Variants in ELAVL2 observed in about 807,000 individuals in gnomAD.
ELAVL2 encodes ELAV-like protein 2.
ELAVL2 carries 4 observed loss-of-function variants against 34.6 expected under a neutral mutation model. The ratio of observed to expected loss-of-function variants is 0.12; its 90% CI spans 0.06 to 0.26. The LOEUF is 0.26. Among genes scored for constraint, ELAVL2 ranks in the 10% least tolerant of loss-of-function variants. ELAVL2 has a pLI of 1.00. For missense variants in ELAVL2, 432 were observed against 442.8 expected (o/e 0.98, Z 0.22); for synonymous variants, 193 against 154.8 (o/e 1.25, Z -1.83).
chr9:23,708,016 C>T (rs1348804198), intron 3 of ELAVL2, among the ~76,000 whole-genome samples: 2 of 151,616 alleles, frequency 1.3e-5, no homozygotes, highest in South Asian at 2.1e-4. Flanking sequence ...TATATAAAGG[C>T]TTTGAAAACA....
chr9:23,820,457 G>C (rs2064411349), intron 1 of ELAVL2, among the ~76,000 whole-genome samples: 1 of 152,174 alleles, frequency 6.6e-6, no homozygotes, highest in Non-Finnish European at 1.5e-5. Flanking sequence ...CATGTTTTCA[G>C]AAAATGTAGA....
At chr9:23,805,892 CA>C (rs2062156083) in intron 1 of ELAVL2, among the ~76,000 whole-genome samples, 2 of 152,072 alleles carry the variant, frequency 1.3e-5, no homozygotes, top group African/African-American at 4.8e-5. Flanking sequence ...GCGGTATTAA[CA>C]GGTCATAAAT....
chr9:23,701,235 CA>C, intron 5 of ELAVL2, 143 bp downstream of exon 5: 1 of 845,806 alleles, frequency 1.2e-6, no homozygotes, highest in East Asian at 2.5e-5. Context: ...TCTCTGTGCC[CA>C]TGGAGATGAA....
intron 5 of ELAVL2, among the ~76,000 whole-genome samples, chr9:23,696,760 A>G (rs1372003325): frequency 6.6e-6 from 1 of 152,054 alleles, no homozygotes; most frequent in East Asian, 1.9e-4. Flanking sequence ...GTGAGCCACC[A>G]CGCCCAGCCA....
chr9:23,793,794 C>T (rs1041261195), intron 1 of ELAVL2, among the ~76,000 whole-genome samples: 1 of 152,078 alleles, frequency 6.6e-6, no homozygotes, highest in South Asian at 2.1e-4. Context: ...CTTTCCACCT[C>T]CAAACTTTTA....
chr9:23,740,162 G>A (rs2048828830), intron 2 of ELAVL2, among the ~76,000 whole-genome samples: 1 of 152,104 alleles, frequency 6.6e-6, no homozygotes, highest in East Asian at 1.9e-4. Flanking sequence ...GTTTGTCGGG[G>A]AAAAATGCCC....
At chr9:23,828,273 T>C (rs2065391142), upstream of ELAVL2, among the ~76,000 whole-genome samples, 2 of 152,332 alleles carry the variant, frequency 1.3e-5, no homozygotes, top group South Asian at 4.1e-4. Flanking sequence ...CAGTGAATTG[T>C]CTTTCCTCCT....
intron 1 of ELAVL2, among the ~76,000 whole-genome samples, chr9:23,787,476 A>C (rs561177586): frequency 6.6e-6 from 1 of 151,526 alleles, no homozygotes; most frequent in South Asian, 2.1e-4. Context: ...AGGTGATCCA[A>C]CCGCCTCAGC....
chr9:23,735,713 C>T lies in ELAVL2; in HGVS notation c.230-4588G>A, dbSNP rs192085640. On this transcript the variant is annotated intron_variant, in intron 2 of 6. Transcript: ENST00000397312. The stretch of plus-strand genomic sequence containing the variant: ...AACATACATGCCACAGAAAAGAAAC[C>T]CTTCTTCACAAGAGATAGAAAAATA... The T allele has an allele frequency of 1.1e-4, 16 of 152,288 alleles. No individual in the cohort carries two copies. The East Asian group carries it at 2.7e-3, about 26-fold the overall frequency. The allele number at this position is 152,288 out of a possible 1,614,324, so 9.4% of individuals were successfully genotyped here. A position where few individuals can be genotyped will look rare whatever the true frequency, so the allele number is the denominator to read the frequency against.
intron 5 of ELAVL2, among the ~76,000 whole-genome samples, chr9:23,698,475 T>C (rs980135671): frequency 6.6e-6 from 1 of 152,224 alleles, no homozygotes; most frequent in African/African-American, 2.4e-5. Flanking sequence ...TCATACTTTA[T>C]GATTATTAAA....
chr9:23,728,453 T>C (rs1194946724), intron 3 of ELAVL2, among the ~76,000 whole-genome samples: 1 of 152,038 alleles, frequency 6.6e-6, no homozygotes, highest in Non-Finnish European at 1.5e-5. Flanking sequence ...CTGAGAACAG[T>C]GGAGAACGGC....
intron 1 of ELAVL2, among the ~76,000 whole-genome samples, chr9:23,789,325 C>T (rs1034297296): frequency 6.6e-6 from 1 of 152,136 alleles, no homozygotes; most frequent in African/African-American, 2.4e-5. Context: ...TGTCCCCTAA[C>T]CCTACTGAAG....
intron 3 of ELAVL2, among the ~76,000 whole-genome samples, chr9:23,720,999 G>A (rs971928679): frequency 1.2e-4 from 18 of 152,062 alleles, no homozygotes; most frequent in African/African-American, 4.3e-4. Context: ...TTGTGTAAAG[G>A]CATTTGAAAT....
At chr9:23,724,888 T>G (rs1393970593) in intron 3 of ELAVL2, among the ~76,000 whole-genome samples, 1 of 152,134 alleles carries the variant, frequency 6.6e-6, no homozygotes. Flanking sequence ...TTTTTTTGTC[T>G]GGATAAATAA....
chr9:23,816,488 G>GA (rs1393676225), intron 1 of ELAVL2, among the ~76,000 whole-genome samples: 1 of 152,004 alleles, frequency 6.6e-6, no homozygotes, highest in African/African-American at 2.4e-5. Flanking sequence ...AATGCTGGAA[G>GA]AAAAGAACAT....
At chr9:23,766,622 G>A (rs1044767974) in intron 1 of ELAVL2, among the ~76,000 whole-genome samples, 2 of 152,040 alleles carry the variant, frequency 1.3e-5, no homozygotes, top group Admixed American at 6.6e-5. Context: ...AACTAGATAG[G>A]AAGGCTGTGT....
chr9:23,737,078 C>T (rs76600624), intron 2 of ELAVL2, among the ~76,000 whole-genome samples: 1,988 of 152,236 alleles, frequency 0.013, 43 homozygotes, highest in African/African-American at 0.041. Context: ...TATATTATTC[C>T]GTTATCTTTG....
the ELAVL2 span, among the ~76,000 whole-genome samples, chr9:23,841,391 A>G: frequency 6.6e-6 from 1 of 152,090 alleles, no homozygotes; most frequent in Non-Finnish European, 1.5e-5. Flanking sequence ...GAATTCAGAG[A>G]AATTCCAATG....
In ELAVL2 at chr9:23,815,813, C is replaced by T. The variant is rs369844723; in HGVS notation, c.-16+9993G>A. On this transcript the variant is annotated intron_variant, in intron 1 of 6. Coordinates refer to ENST00000397312, the MANE Select transcript of ELAVL2 (RefSeq NM_004432.5). ...TACTGAGACAACTCAGCAAATTGGC[C>T]GCACGGGCACGGTGATCACAAGACC... is the stretch of plus-strand genomic sequence containing the variant. Among the ~76,000 whole-genome samples the T allele has an allele frequency of 1.2e-3, 178 of 148,422 alleles. 3 individuals are homozygous for T. The highest frequency in any genetic ancestry group is 4.0e-3 in the African/African-American group (163 of 40,840).
Sources: gnomAD v4.1 joint callset for allele counts (sites outside exome capture counted in the v4.1 genomes callset) on GRCh38, gnomAD v4.1.1 for gene constraint, MANE v1.5 for transcripts, NCBI Gene and HGNC (gene_info 2026-07-23, HGNC 2026-07-21) for gene names.